The following NAA16 variants were observed in gnomAD, a reference collection of about 807,000 sequenced individuals.
NAA16 encodes the protein N-alpha-acetyltransferase 16, NatA auxiliary subunit.
Under a neutral mutation model 110.3 loss-of-function variants are expected in NAA16, and 97 were observed. That is an observed-to-expected ratio of 0.88 (90% CI 0.75 to 1.04). NAA16 has a LOEUF of 1.04. NAA16 is among the 50% of genes least tolerant of loss of function. NAA16 has a pLI of 0.00. For synonymous variants in NAA16, 372 were observed against 330.6 expected, an observed-to-expected ratio of 1.13 and a Z score of -1.36; for missense variants, 1,017 against 1,005.1, an observed-to-expected ratio of 1.01 and a Z score of -0.16.
intron 1 of NAA16, among the ~76,000 whole-genome samples, chr13:41,314,437 A>T (rs2041754358): frequency 6.6e-6 from 1 of 152,026 alleles, no homozygotes; most frequent in South Asian, 2.1e-4. Flanking sequence ...AATAGGCAGT[A>T]TATTCACATG....
Position 41,373,642 on chromosome 13 carries a change from A to G in NAA16, c.2161A>G (p.Asn721Asp). The G allele has an allele frequency of 6.3e-7, 1 of 1,596,636 alleles. No individual in the cohort carries two copies. Among genetic ancestry groups the G allele is most frequent in the African/African-American group, 1.4e-5 (1 of 73,594 alleles). ...AAATGTTTTTGTTTTTATAGTGTCTAATCATAGTAATCTTCCAGACATTGT... is the reference window on the plus strand; with the variant it reads ...AAATGTTTTTGTTTTTATAGTGTCTGATCATAGTAATCTTCCAGACATTGT... The part of the protein sequence containing the change: ...CLIRFSKSVS[N>D]HSNLPDIVSK... The change falls in exon 18 of 20, where the codon AAT becomes GAT. Residue 721 changes from asparagine (N) to aspartate (D), a missense_variant. Asn to Asp is a conservative substitution (Grantham distance 23). Transcript: ENST00000379406.
chr13:41,359,846 C>G (rs2043075648), intron 12 of NAA16, among the ~76,000 whole-genome samples: 1 of 152,098 alleles, frequency 6.6e-6, no homozygotes, highest in South Asian at 2.1e-4. Flanking sequence ...ATATGGAAAG[C>G]AAACCTTACA....
chr13:41,351,928 A>C (rs2042846533), intron 9 of NAA16, among the ~76,000 whole-genome samples: 1 of 152,236 alleles, frequency 6.6e-6, no homozygotes, highest in Non-Finnish European at 1.5e-5. Context: ...ATTACACACT[A>C]CCTAATTAAA....
intron 1 of NAA16, among the ~76,000 whole-genome samples, chr13:41,312,703 G>A (rs962123595): frequency 6.6e-6 from 1 of 152,182 alleles, no homozygotes; most frequent in Non-Finnish European, 1.5e-5. Flanking sequence ...ATGAACAGCG[G>A]CAGATAATTC....
chr13:41,371,078 T>C (rs1384076334), intron 15 of NAA16, among the ~76,000 whole-genome samples: 3 of 152,022 alleles, frequency 2.0e-5, no homozygotes, highest in Non-Finnish European at 4.4e-5. Context: ...AGAATGGCGG[T>C]AAAGGGCTTC....
At chr13:41,372,981 A>T in intron 17 of NAA16, 151 bp downstream of exon 17, 3 of 1,101,464 alleles carry the variant, frequency 2.7e-6, no homozygotes, top group East Asian at 6.2e-5. Context: ...AAATCCTCTG[A>T]TCATGGCCCA....
intron 3 of NAA16, 84 bp downstream of exon 3, chr13:41,318,994 A>C (rs998517980): frequency 7.5e-6 from 5 of 668,096 alleles, no homozygotes; most frequent in Non-Finnish European, 1.2e-5. Context: ...GAAAATTCCA[A>C]ACCTACGTAG....
chr13:41,312,586 A>G (rs984289244), intron 1 of NAA16, among the ~76,000 whole-genome samples: 7 of 152,346 alleles, frequency 4.6e-5, no homozygotes, highest in Non-Finnish European at 2.9e-5. Context: ...CTAAACATGC[A>G]TTTAGGTTTA....
At chr13:41,353,030 TG>T in intron 9 of NAA16, among the ~76,000 whole-genome samples, 1 of 152,072 alleles carries the variant, frequency 6.6e-6, no homozygotes, top group Non-Finnish European at 1.5e-5. Context: ...GGCAGAGAAT[TG>T]CTTGAACCCA....
At chr13:41,327,092 A>G (rs1238071973) in intron 6 of NAA16, among the ~76,000 whole-genome samples, 1 of 151,884 alleles carries the variant, frequency 6.6e-6, no homozygotes, top group Non-Finnish European at 1.5e-5. Flanking sequence ...GGCTTTTTTC[A>G]CTTAGTAGTG....
intron 15 of NAA16, 30 bp from the exon 16 acceptor site, chr13:41,372,173 T>A (rs780157212): frequency 3.5e-5 from 51 of 1,471,004 alleles, no homozygotes; most frequent in Non-Finnish European, 3.4e-5. Context: ...TGATGTTTTT[T>A]AAATAATTTT....
intron 10 of NAA16, 94 bp from the exon 11 acceptor site, chr13:41,358,210 T>G (rs1328657599): frequency 9.5e-7 from 1 of 1,057,040 alleles, no homozygotes; most frequent in African/African-American, 1.6e-5. Flanking sequence ...CTTATTATTA[T>G]TGCAATAGTC....
chr13:41,311,394 C>T lies in NAA16; in HGVS notation c.-135C>T, dbSNP rs1280566411. 1.2e-6 allele frequency: 1 copy of T among 827,074 alleles called. No individual in the cohort carries two copies. The highest frequency in any genetic ancestry group is 1.9e-6 in the Non-Finnish European group (1 of 520,230). 51.2% of individuals were successfully genotyped at this position (827,074 alleles called of 1,614,324 possible). Reference sequence around the variant, plus strand: ...GAACAGCCAGGCTGCCCAATTGCAACTGTAGACCAATGAACTAATCCATCG... The same window carrying T: ...GAACAGCCAGGCTGCCCAATTGCAATTGTAGACCAATGAACTAATCCATCG... On this transcript the variant is annotated 5_prime_UTR_variant, in exon 1 of 20. Transcript: ENST00000379406.
chr13:41,347,610 A>G (rs1220945444), intron 9 of NAA16, among the ~76,000 whole-genome samples: 1 of 152,256 alleles, frequency 6.6e-6, no homozygotes, highest in South Asian at 2.1e-4. Flanking sequence ...ATGGTAGTCT[A>G]GATGAAATTG....
In NAA16 at chr13:41,358,712, T is replaced by TGACAGATTTC. The variant is rs1338019908; in HGVS notation, c.1258-97_1258-88dup. 1.0e-4 allele frequency: 148 copies of TGACAGATTTC among 1,466,164 alleles called. 1 individual carries two copies. The highest frequency in any genetic ancestry group is 1.3e-4 in the Non-Finnish European group (140 of 1,107,082). 90.8% of individuals were successfully genotyped at this position (1,466,164 alleles called of 1,614,324 possible). A position where few individuals can be genotyped will look rare whatever the true frequency, so the allele number is the denominator to read the frequency against. On this transcript the variant is annotated intron_variant, in intron 11 of 19. Transcript: ENST00000379406. ...TTCTAAATAAATTTGACAGAAATGGTGACAGATTTCTTTTTTGTCTGTGTA... is the reference window on the plus strand; with the variant it reads ...TTCTAAATAAATTTGACAGAAATGGTGACAGATTTCGACAGATTTCTTTTTTGTCTGTGTA...
chr13:41,323,271 A>G, intron 5 of NAA16, 81 bp downstream of exon 5: 3 of 1,362,868 alleles, frequency 2.2e-6, no homozygotes, highest in Admixed American at 2.1e-5. Context: ...AATGTGAATT[A>G]AAGTATTTGA....
intron 9 of NAA16, among the ~76,000 whole-genome samples, chr13:41,353,053 T>C (rs1202580401): frequency 6.6e-6 from 1 of 151,802 alleles, no homozygotes; most frequent in Non-Finnish European, 1.5e-5. Flanking sequence ...GAGGCGGAGG[T>C]TGCGGTGAGC....
In NAA16 at chr13:41,362,126, G is replaced by A. The variant is rs935251330; in HGVS notation, c.1506G>A (p.Gly502=). Residue 502 remains glycine (G), a synonymous_variant, in exon 13 of 20, where the codon GGG becomes GGA. Coordinates refer to ENST00000379406, the MANE Select transcript of NAA16 (RefSeq NM_024561.5). ...ISAYQRLGRY[G]DALKKCHEVE... ...CTTATCAGCGTCTGGGGAGATACGG[G>A]GATGCCTTGAAAAAATGTCATGAAG... 2 of 1,606,518 alleles carry A rather than the reference G, an allele frequency of 1.2e-6. No homozygotes were observed. Among genetic ancestry groups the A allele is most frequent in the Admixed American group, 1.7e-5 (1 of 58,226 alleles).
At chr13:41,312,687 T>G (rs1006041315) in intron 1 of NAA16, among the ~76,000 whole-genome samples, 1 of 152,214 alleles carries the variant, frequency 6.6e-6, no homozygotes, top group Admixed American at 6.5e-5. Flanking sequence ...TAGAGTAATT[T>G]TAAGTATGAA....
Sources: allele counts gnomAD v4.1 joint callset (sites outside exome capture counted in the v4.1 genomes callset), GRCh38; gene constraint gnomAD v4.1.1; transcripts MANE v1.5; gene names NCBI Gene and HGNC (gene_info 2026-07-23, HGNC 2026-07-21).